The following SFXN5 variants were observed in gnomAD, a reference collection of about 807,000 sequenced individuals.
SFXN5 encodes sideroflexin-5.
SFXN5 carries 43 observed loss-of-function variants against 50.2 expected under a neutral mutation model. The ratio of observed to expected loss-of-function variants is 0.86; its 90% CI spans 0.67 to 1.11. The LOEUF (loss-of-function observed/expected upper bound fraction) is 1.11. SFXN5 is among the 50% of genes least tolerant of loss of function. The pLI, the probability that SFXN5 is intolerant of heterozygous loss-of-function variation, is 0.00. For synonymous variants in SFXN5, 203 were observed against 185.8 expected (o/e 1.09, Z -0.75); for missense variants, 463 against 454.1 (o/e 1.02, Z -0.18).
intron 1 of SFXN5, 166 bp downstream of exon 1, chr2:73,071,438 A>G (rs1026196187): frequency 1.1e-5 from 7 of 623,240 alleles, no homozygotes; most frequent in Non-Finnish European, 1.9e-5. Flanking sequence ...CGCCCCGTTG[A>G]CCAATGGGAA....
intron 12 of SFXN5, among the ~76,000 whole-genome samples, chr2:72,966,544 G>T (rs767679931): frequency 2.0e-5 from 3 of 152,110 alleles, no homozygotes; most frequent in Non-Finnish European, 4.4e-5. Context: ...TGCTCACCAT[G>T]CCATGCCCAT....
intron 1 of SFXN5, among the ~76,000 whole-genome samples, chr2:73,067,748 G>C (rs570181318): frequency 1.1e-4 from 16 of 152,284 alleles, no homozygotes; most frequent in African/African-American, 3.9e-4. Flanking sequence ...GAAGCTGGAT[G>C]ATGGGTGCAT....
intron 3 of SFXN5, among the ~76,000 whole-genome samples, chr2:73,025,821 T>C (rs983704637): frequency 1.3e-5 from 2 of 152,028 alleles, no homozygotes; most frequent in South Asian, 2.1e-4. Flanking sequence ...GTGCACAAAG[T>C]AGGGAGGCCC....
intron 6 of SFXN5, among the ~76,000 whole-genome samples, chr2:73,016,048 C>T (rs1049075844): frequency 6.6e-6 from 1 of 151,692 alleles, no homozygotes; most frequent in Non-Finnish European, 1.5e-5. Flanking sequence ...AAATGTATTG[C>T]CTTGAGTTGT....
Position 72,961,674 on chromosome 2 carries a change from C to T in SFXN5, c.828-426G>A, listed in dbSNP as rs116220255. On this transcript the variant is annotated intron_variant, in intron 12 of 13. Transcript: ENST00000272433. The surrounding 1 kb of genome is among the most constrained non-coding windows in gnomAD (Gnocchi z 4.4). ...GCACGTAATTAAACAGCAAAGAAAC[C>T]AGAGTAGGTGCCAAGTTCAGGGGAG... Among the ~76,000 whole-genome samples the T allele has an allele frequency of 4.0e-3, 610 of 152,282 alleles. 3 individuals are homozygous for T. Among genetic ancestry groups the T allele is most frequent in the African/African-American group, 0.014 (585 of 41,552 alleles).
rs185316194 is a variant in SFXN5, at chr2:73,062,218, C to T, written c.103-3622G>A. 5.3e-5 allele frequency among the ~76,000 whole-genome samples: 8 copies of T among 152,304 alleles called. No individual in the cohort carries two copies. The East Asian group carries it at 1.3e-3, about 26-fold the overall frequency. On this transcript the variant is annotated intron_variant, in intron 1 of 13. Coordinates refer to ENST00000272433, the MANE Select transcript of SFXN5 (RefSeq NM_144579.3). ...CTATTGAATGTTCCTTCCTTATCCT[C>T]CCTGGCTCGAAGTCTCCTTACATAT...
At chr2:73,003,051 A>G (rs1674124102) in intron 6 of SFXN5, among the ~76,000 whole-genome samples, 1 of 151,186 alleles carries the variant, frequency 6.6e-6, no homozygotes, top group African/African-American at 2.4e-5. Context: ...TCTGCTAAGG[A>G]GTATCCCAGG....
intron 2 of SFXN5, among the ~76,000 whole-genome samples, chr2:73,047,020 T>C (rs1680426712): frequency 6.8e-6 from 1 of 147,982 alleles, no homozygotes; most frequent in African/African-American, 2.5e-5. Flanking sequence ...AGGTCAGGAG[T>C]TCAAGACCAG....
intron 3 of SFXN5, among the ~76,000 whole-genome samples, chr2:73,034,350 C>A (rs1678690845): frequency 6.6e-6 from 1 of 152,218 alleles, no homozygotes; most frequent in African/African-American, 2.4e-5. Context: ...GACAAACCTG[C>A]TGACGCCCAC....
intron 10 of SFXN5, among the ~76,000 whole-genome samples, chr2:72,974,673 G>T (rs1670414138): frequency 6.6e-6 from 1 of 152,198 alleles, no homozygotes; most frequent in African/African-American, 2.4e-5. Context: ...AGCCATCCAT[G>T]CCCTTGGGCA....
rs566904269 is a variant in SFXN5 at position 73,063,928 on chromosome 2, A to G, written c.103-5332T>C. Among the ~76,000 whole-genome samples the G allele has an allele frequency of 3.7e-4, 56 of 152,286 alleles. 1 individual carries two copies. Among genetic ancestry groups the G allele is most frequent in the Non-Finnish European group, 5.9e-4 (40 of 68,026 alleles). ...AGCCTCCCTCCCAAATTCAGCTCCC[A>G]TCTTTACCCAATCGCACAATCGGTG... On this transcript the variant is annotated intron_variant, in intron 1 of 13. Coordinates refer to ENST00000272433, the MANE Select transcript of SFXN5 (RefSeq NM_144579.3).
chr2:73,017,230 T>G (rs1368645572), intron 6 of SFXN5, among the ~76,000 whole-genome samples: 1 of 152,134 alleles, frequency 6.6e-6, no homozygotes, highest in Non-Finnish European at 1.5e-5. Context: ...GAAGGAGAAG[T>G]TGTTTACCTC....
At chr2:73,066,210 C>A (rs1683166479) in intron 1 of SFXN5, among the ~76,000 whole-genome samples, 1 of 151,984 alleles carries the variant, frequency 6.6e-6, no homozygotes, top group South Asian at 2.1e-4. Flanking sequence ...CAGGGACGAA[C>A]AACTGCTTCT....
At chr2:73,040,561 G>A (rs1210108051) in intron 3 of SFXN5, among the ~76,000 whole-genome samples, 1 of 152,156 alleles carries the variant, frequency 6.6e-6, no homozygotes, top group Admixed American at 6.5e-5. Context: ...ATCCCTGATC[G>A]TGGAATTGGG....
intron 2 of SFXN5, among the ~76,000 whole-genome samples, chr2:73,051,682 G>A (rs757730082): frequency 3.3e-5 from 5 of 152,158 alleles, no homozygotes; most frequent in East Asian, 1.9e-4. Flanking sequence ...GTTGTAGTCC[G>A]TCTGTGCTGC....
intron 13 of SFXN5, among the ~76,000 whole-genome samples, chr2:72,957,375 G>T (rs768547182): frequency 7.2e-5 from 11 of 152,154 alleles, no homozygotes; most frequent in Non-Finnish European, 1.5e-4. Context: ...TTAATAAGCA[G>T]AACTACTAAT....
chr2:73,017,054 T>C (rs1676252963), intron 6 of SFXN5, among the ~76,000 whole-genome samples: 1 of 152,182 alleles, frequency 6.6e-6, no homozygotes, highest in Non-Finnish European at 1.5e-5. Flanking sequence ...AAACTGCAAG[T>C]ATTGTTTTCA....
At chr2:73,053,627 G>C (rs772960678) in intron 2 of SFXN5, 5 of 152,164 alleles carry the variant, frequency 3.3e-5, no homozygotes, top group Non-Finnish European at 5.9e-5. Flanking sequence ...TTAAAGTGAG[G>C]TCATTTATAA....
intron 1 of SFXN5, among the ~76,000 whole-genome samples, chr2:73,070,056 G>A (rs1683461454): frequency 6.6e-6 from 1 of 152,208 alleles, no homozygotes; most frequent in South Asian, 2.1e-4. Context: ...AGATGTGCAG[G>A]AGGAAGCCTG....
Sources: gnomAD v4.1 joint callset for allele counts (sites outside exome capture counted in the v4.1 genomes callset) on GRCh38, gnomAD v4.1.1 for gene constraint, Gnocchi (gnomAD v3.1) non-coding constraint, MANE v1.5 for transcripts, NCBI Gene and HGNC (gene_info 2026-07-23, HGNC 2026-07-21) for gene names.